RTTN: variants seen among roughly 807,000 people sequenced by gnomAD.
RTTN encodes rotatin.
A neutral mutation model predicts 269.2 loss-of-function variants in RTTN; 182 were observed. That is an observed-to-expected ratio of 0.68 (90% confidence interval 0.60 to 0.76). RTTN has a LOEUF of 0.76. Among genes scored for constraint, RTTN ranks in the 30% least tolerant of loss-of-function variants. The pLI is 0.00. For synonymous variants in RTTN, 1,006 were observed against 963.5 expected (o/e 1.04, Z -0.82); for missense variants, 2,545 against 2,608.6 (o/e 0.98, Z 0.53).
Position 70,048,037 on chromosome 18 carries a change from A to T in RTTN, c.5475T>A (p.Ala1825=). ...KTHLCCSPTV[A]SLLDDSQENQ... ...TTTCCTGAGAGTCATCAAGAAGTGA[A>T]GCCACTGTTGGACTACAGCATAAAT... Residue 1825 remains alanine, a synonymous_variant, in exon 40 of 49, where the codon GCT becomes GCA. Transcript: ENST00000640769. 1 of 1,614,166 alleles carries T rather than the reference A, an allele frequency of 6.2e-7. No individual in the cohort carries two copies. Among genetic ancestry groups the T allele is most frequent in the Admixed American group, 1.7e-5 (1 of 60,020 alleles).
intron 18 of RTTN, among the ~76,000 whole-genome samples, chr18:70,143,833 A>G (rs1414099413): frequency 6.6e-6 from 1 of 151,870 alleles, no homozygotes; most frequent in African/African-American, 2.4e-5. Flanking sequence ...TAAAATAAAG[A>G]GTCATCATGT....
intron 43 of RTTN, among the ~76,000 whole-genome samples, chr18:70,026,136 T>C (rs2056846011): frequency 6.6e-6 from 1 of 152,244 alleles, no homozygotes; most frequent in African/African-American, 2.4e-5. Flanking sequence ...GTTTATTTTC[T>C]GCCCTGATGA....
intron 14 of RTTN, among the ~76,000 whole-genome samples, chr18:70,162,886 G>GAAAAAAAAAAAAAAAAAAAAAAA (rs5825997): frequency 6.0e-5 from 3 of 50,194 alleles, no homozygotes; most frequent in African/African-American, 1.5e-4. Flanking sequence ...AATAAAAGTT[G>GAAAAAAAAAAAAAAAAAAAAAAA]AAAAAAAAAA....
At chr18:70,184,476 C>A (rs1171348060) in intron 10 of RTTN, among the ~76,000 whole-genome samples, 1 of 151,768 alleles carries the variant, frequency 6.6e-6, no homozygotes, top group Non-Finnish European at 1.5e-5. Context: ...CACTTGAACC[C>A]GGGAGGCGGA....
chr18:70,086,586 G>C, intron 32 of RTTN, 27 bp downstream of exon 32: 5 of 1,472,698 alleles, frequency 3.4e-6, no homozygotes, highest in Non-Finnish European at 4.7e-6. Flanking sequence ...ACATCTACTA[G>C]GTTGATAATT....
At chr18:70,201,230 G>A (rs911138030) in intron 4 of RTTN, among the ~76,000 whole-genome samples, 6 of 152,186 alleles carry the variant, frequency 3.9e-5, no homozygotes, top group Non-Finnish European at 7.4e-5. Context: ...TCTGGCTGGC[G>A]TAACTGGATA....
intron 11 of RTTN, among the ~76,000 whole-genome samples, chr18:70,175,587 G>A (rs1382665164): frequency 6.6e-6 from 1 of 151,042 alleles, no homozygotes; most frequent in Non-Finnish European, 1.5e-5. Flanking sequence ...TTAAGTTGCT[G>A]ACAGAAAGGA....
At chr18:70,056,750 C>CACTGCCTA (rs2057827987) in intron 37 of RTTN, among the ~76,000 whole-genome samples, 1 of 152,246 alleles carries the variant, frequency 6.6e-6, no homozygotes, top group Non-Finnish European at 1.5e-5. Context: ...GGTCCCACGA[C>CACTGCCTA]ACTGCCTAAT....
At chr18:70,120,830 C>T (rs1219189226) in intron 26 of RTTN, among the ~76,000 whole-genome samples, 1 of 152,102 alleles carries the variant, frequency 6.6e-6, no homozygotes, top group Non-Finnish European at 1.5e-5. Flanking sequence ...GTGGGCGGAT[C>T]ACCTGAGGTC....
chr18:70,111,712 C>A (rs2059472071), intron 27 of RTTN, among the ~76,000 whole-genome samples: 1 of 152,108 alleles, frequency 6.6e-6, no homozygotes, highest in Admixed American at 6.5e-5. Flanking sequence ...AGAATGGAAC[C>A]AACTTGGAAA....
intron 27 of RTTN, among the ~76,000 whole-genome samples, chr18:70,110,552 C>T (rs753961894): frequency 1.3e-5 from 2 of 152,194 alleles, no homozygotes; most frequent in Non-Finnish European, 2.9e-5. Flanking sequence ...CCACGGTTTT[C>T]GCAACCTACA....
chr18:70,145,341 T>C (rs946819641), intron 18 of RTTN, among the ~76,000 whole-genome samples: 5 of 152,182 alleles, frequency 3.3e-5, no homozygotes, highest in Non-Finnish European at 5.9e-5. Context: ...TATAATGCAC[T>C]TGAATCATCC....
rs575908421 is a variant in RTTN at position 70,098,895 on chromosome 18, C to T, written c.3904-6091G>A. Among the ~76,000 whole-genome samples, 11 of 152,182 alleles carry T rather than the reference C, an allele frequency of 7.2e-5. No homozygotes were observed. The South Asian group carries it at 1.5e-3, about 20-fold the overall frequency. Reference sequence around the variant, plus strand: ...CTTATGAGCACGAACATGCAGTGTTCGGTTATCTGTCCTTGCGATAGTTTG... The same window carrying T: ...CTTATGAGCACGAACATGCAGTGTTTGGTTATCTGTCCTTGCGATAGTTTG... On this transcript the variant is annotated intron_variant, in intron 28 of 48. Transcript: ENST00000640769.
rs531271773 is a variant in RTTN, at chr18:70,065,686, T to C, written c.4747+143A>G. On this transcript the variant is annotated intron_variant, in intron 35 of 48. Coordinates refer to ENST00000640769, the MANE Select transcript of RTTN (RefSeq NM_173630.4). Reference sequence around the variant, plus strand: ...GCATTTATTTTATTAATTTCTGATATATTGGTTCTAAATGTATTTCATAAT... The same window carrying C: ...GCATTTATTTTATTAATTTCTGATACATTGGTTCTAAATGTATTTCATAAT... The C allele has an allele frequency of 1.8e-5, 8 of 455,062 alleles. No individual in the cohort carries two copies. In the East Asian group the frequency reaches 2.6e-4, roughly 15 times the overall value. The allele number at this position is 455,062 out of a possible 1,614,324, so 28.2% of individuals were successfully genotyped here. A position where few individuals can be genotyped will look rare whatever the true frequency, so the allele number is the denominator to read the frequency against.
chr18:70,058,467 G>T (rs2057882425), intron 36 of RTTN, among the ~76,000 whole-genome samples: 2 of 152,266 alleles, frequency 1.3e-5, no homozygotes, highest in African/African-American at 4.8e-5. Flanking sequence ...GCAGTGAGCC[G>T]AGATCGCGCC....
intron 46 of RTTN, among the ~76,000 whole-genome samples, chr18:70,015,559 C>T (rs989682709): frequency 2.6e-5 from 4 of 152,108 alleles, no homozygotes; most frequent in African/African-American, 9.7e-5. Context: ...TTTATAGTTC[C>T]ACACAGAAAC....
intron 12 of RTTN, among the ~76,000 whole-genome samples, chr18:70,167,366 C>T (rs2145914130): frequency 6.6e-6 from 1 of 152,306 alleles, no homozygotes; most frequent in South Asian, 2.1e-4. Context: ...TTATTATAAA[C>T]CTGCCTCTTG....
At chr18:70,055,664 T>C (rs2057797801) in intron 37 of RTTN, among the ~76,000 whole-genome samples, 1 of 152,150 alleles carries the variant, frequency 6.6e-6, no homozygotes, top group Non-Finnish European at 1.5e-5. Context: ...ATGTATGAAA[T>C]ATTACCATAA....
Position 70,142,289 on chromosome 18 carries a change from T to C in RTTN, c.2580A>G (p.Gln860=). Residue 860 remains glutamine, a splice_region_variant and synonymous_variant, in exon 19 of 49, where the codon CAA becomes CAG. Coordinates refer to ENST00000640769, the MANE Select transcript of RTTN (RefSeq NM_173630.4). ...SAAEQLAVIM[Q]DIKMHAVVKK... ...ATCATTTCCCTTAAAAGACATTACC[T>C]TGCATAATCACAGCTAACTGTTCAG... is the stretch of plus-strand genomic sequence containing the variant. 1 of 1,575,978 alleles carries C rather than the reference T, an allele frequency of 6.3e-7. No individual in the cohort carries two copies. The highest frequency in any genetic ancestry group is 8.7e-7 in the Non-Finnish European group (1 of 1,147,420).
Sources: allele counts gnomAD v4.1 joint callset (sites outside exome capture counted in the v4.1 genomes callset), GRCh38; gene constraint gnomAD v4.1.1; transcripts MANE v1.5; gene names NCBI Gene and HGNC (gene_info 2026-07-23, HGNC 2026-07-21).